The following IQCM variants were observed in gnomAD, a reference collection of about 807,000 sequenced individuals.
The protein encoded by IQCM is IQ motif containing M.
IQCM carries 45 observed loss-of-function variants against 57.6 expected under a neutral mutation model. That is an observed-to-expected ratio of 0.78 (90% CI 0.62 to 1.00). IQCM has a LOEUF of 1.00. IQCM is among the 50% of genes least tolerant of loss of function. IQCM has a pLI of 0.00. For missense variants in IQCM, 468 were observed against 511.6 expected, an observed-to-expected ratio of 0.91 and a Z score of 0.82; for synonymous variants, 148 against 158.9, an observed-to-expected ratio of 0.93 and a Z score of 0.51.
intron 13 of IQCM, among the ~76,000 whole-genome samples, chr4:149,388,546 A>T (rs1279684184): frequency 4.1e-4 from 55 of 133,450 alleles, no homozygotes; most frequent in African/African-American, 1.1e-3. Context: ...TATTATATAT[A>T]ATATATATAA....
chr4:149,671,344 T>A (rs923039371), intron 7 of IQCM, among the ~76,000 whole-genome samples: 30 of 152,196 alleles, frequency 2.0e-4, no homozygotes, highest in African/African-American at 6.3e-4. Context: ...TTTATCATTT[T>A]TTATTGTGTC....
intron 12 of IQCM, among the ~76,000 whole-genome samples, chr4:149,492,752 C>T (rs973885318): frequency 2.5e-4 from 38 of 152,124 alleles, no homozygotes; most frequent in African/African-American, 8.9e-4. Context: ...CCCCTTAGCA[C>T]AGATGCAACT....
chr4:149,491,157 A>G (rs1389490233), intron 12 of IQCM, among the ~76,000 whole-genome samples: 1 of 152,024 alleles, frequency 6.6e-6, no homozygotes, highest in African/African-American at 2.4e-5. Flanking sequence ...ACAGGTGACC[A>G]TAACTCTTTT....
At chr4:149,805,724 C>T (rs2150057446) in intron 2 of IQCM, among the ~76,000 whole-genome samples, 1 of 152,062 alleles carries the variant, frequency 6.6e-6, no homozygotes, top group South Asian at 2.1e-4. Context: ...TTTCCAATTT[C>T]ATATCAATGT....
intron 8 of IQCM, among the ~76,000 whole-genome samples, chr4:149,599,683 T>C (rs1329021179): frequency 6.6e-6 from 1 of 152,172 alleles, no homozygotes; most frequent in Non-Finnish European, 1.5e-5. Context: ...TTGGCAGATA[T>C]ATGACAACTT....
chr4:149,506,461 A>C (rs2149800770), intron 12 of IQCM, among the ~76,000 whole-genome samples: 1 of 152,324 alleles, frequency 6.6e-6, no homozygotes, highest in Admixed American at 6.5e-5. Flanking sequence ...CAAGAGGTTA[A>C]GTTTTCCATG....
At chr4:149,710,133 T>G (rs886610348) in intron 5 of IQCM, among the ~76,000 whole-genome samples, 2 of 152,160 alleles carry the variant, frequency 1.3e-5, no homozygotes, top group Non-Finnish European at 2.9e-5. Flanking sequence ...GTCATAAAAC[T>G]CTTTCTAAAT....
chr4:149,641,796 T>TAA (rs1758215431), intron 7 of IQCM, among the ~76,000 whole-genome samples: 1 of 152,182 alleles, frequency 6.6e-6, no homozygotes, highest in Admixed American at 6.5e-5. Flanking sequence ...TGTAATTTAC[T>TAA]AGGGTCATCA....
intron 3 of IQCM, among the ~76,000 whole-genome samples, chr4:149,738,349 T>G (rs1767137710): frequency 1.3e-5 from 2 of 152,214 alleles, no homozygotes; most frequent in South Asian, 2.1e-4. Context: ...TGTCATTTAA[T>G]GTGCTGATGC....
intron 12 of IQCM, among the ~76,000 whole-genome samples, chr4:149,456,044 G>A (rs1737667548): frequency 6.6e-6 from 1 of 151,876 alleles, no homozygotes; most frequent in African/African-American, 2.4e-5. Flanking sequence ...GTTCATGGCT[G>A]AGATCCCTAT....
intron 7 of IQCM, among the ~76,000 whole-genome samples, chr4:149,625,537 AG>A (rs1756716980): frequency 6.6e-6 from 1 of 152,196 alleles, no homozygotes; most frequent in Admixed American, 6.5e-5. Flanking sequence ...TTTATGTAGA[AG>A]TATGATTGGA....
chr4:149,365,519 A>G (rs1365602395), intron 13 of IQCM, among the ~76,000 whole-genome samples: 5 of 152,198 alleles, frequency 3.3e-5, no homozygotes, highest in Non-Finnish European at 7.4e-5. Context: ...AGTGTGAGCT[A>G]GACTTAGTTA....
chr4:149,378,416 T>G (rs1428307062), intron 13 of IQCM, among the ~76,000 whole-genome samples: 1 of 152,110 alleles, frequency 6.6e-6, no homozygotes, highest in East Asian at 1.9e-4. Flanking sequence ...ATGCTGATAA[T>G]GATATGGACA....
Position 149,563,883 on chromosome 4 carries a change from C to A in IQCM, c.757G>T (p.Gly253Cys). 1.6e-6 allele frequency: 2 copies of A among 1,221,048 alleles called. No homozygotes were observed. The highest frequency in any genetic ancestry group is 2.0e-6 in the Non-Finnish European group (2 of 978,238). 75.6% of individuals were successfully genotyped at this position (1,221,048 alleles called of 1,614,324 possible). The change falls in exon 10 of 14, where the codon GGT becomes TGT. Residue 253 changes from glycine (G) to cysteine (C), a missense_variant. Coordinates refer to ENST00000636793, the MANE Select transcript of IQCM (RefSeq NM_001363507.2). ...AGTTTATCAGTTTTATTTGGAGTAC[C>A]TTTTATCCTAAAAATAAAACAAATT... is the stretch of plus-strand genomic sequence containing the variant. ...PEPKSQPRIKGTPNKTDKLDS... is the reference protein window; with the variant it reads ...PEPKSQPRIKCTPNKTDKLDS...
chr4:149,803,651 C>T (rs1487933535), intron 2 of IQCM, among the ~76,000 whole-genome samples: 1 of 151,934 alleles, frequency 6.6e-6, no homozygotes, highest in African/African-American at 2.4e-5. Flanking sequence ...TGAAAAGGAA[C>T]TGGGGTAAAT....
At chr4:149,762,938 G>A (rs1306747207) in intron 2 of IQCM, among the ~76,000 whole-genome samples, 2 of 151,912 alleles carry the variant, frequency 1.3e-5, no homozygotes, top group Non-Finnish European at 2.9e-5. Flanking sequence ...ATATTTACAT[G>A]AGGTGCACAC....
chr4:149,355,831 A>G (rs541063964), intron 13 of IQCM, among the ~76,000 whole-genome samples: 4 of 152,190 alleles, frequency 2.6e-5, no homozygotes, highest in Admixed American at 2.0e-4. Context: ...TGACTTCCAC[A>G]ATGGTTGAAC....
intron 6 of IQCM, among the ~76,000 whole-genome samples, chr4:149,684,487 A>T (rs1042192634): frequency 4.6e-5 from 7 of 151,330 alleles, no homozygotes; most frequent in African/African-American, 1.5e-4. Flanking sequence ...CAGGGGTCTA[A>T]TTAACTTGAA....
chr4:149,663,189 C>T (rs955295785), intron 7 of IQCM, among the ~76,000 whole-genome samples: 2 of 151,906 alleles, frequency 1.3e-5, no homozygotes, highest in African/African-American at 2.4e-5. Flanking sequence ...AGATATTTTC[C>T]CTCCATCCTA....
Sources: gnomAD v4.1 joint callset for allele counts (sites outside exome capture counted in the v4.1 genomes callset) on GRCh38, gnomAD v4.1.1 for gene constraint, MANE v1.5 for transcripts, NCBI Gene and HGNC (gene_info 2026-07-23, HGNC 2026-07-21) for gene names.